Variants in IPO8 observed in about 807,000 individuals in gnomAD.
IPO8 encodes the protein importin 8.
IPO8 carries 65 observed loss-of-function variants against 141.2 expected under a neutral mutation model. That is an observed-to-expected ratio of 0.46 (90% CI 0.38 to 0.57). The LOEUF (loss-of-function observed/expected upper bound fraction) is 0.57. IPO8 is among the 20% of genes least tolerant of loss of function. IPO8 has a pLI of 0.00. For synonymous variants in IPO8, 411 were observed against 420.3 expected (o/e 0.98, Z 0.27); for missense variants, 980 against 1,246.8 (o/e 0.79, Z 3.22).
At chr12:30,663,888 AG>A (rs2052923720) in intron 13 of IPO8, among the ~76,000 whole-genome samples, 1 of 152,226 alleles carries the variant, frequency 6.6e-6, no homozygotes, top group Admixed American at 6.5e-5. Flanking sequence ...AAAGAGAAAA[AG>A]AAGCCAAATA....
At chr12:30,663,452 T>G in intron 14 of IPO8, 37 bp downstream of exon 14, 1 of 1,540,408 alleles carries the variant, frequency 6.5e-7, no homozygotes, top group Non-Finnish European at 8.9e-7. Flanking sequence ...TAAATGAAAT[T>G]ATTTGAGAAG....
intron 16 of IPO8, among the ~76,000 whole-genome samples, chr12:30,660,297 A>G (rs1459893661): frequency 6.6e-6 from 1 of 152,224 alleles, no homozygotes; most frequent in Non-Finnish European, 1.5e-5. Flanking sequence ...AATAATTGCC[A>G]TCAGTGCCAA....
intron 10 of IPO8, 31 bp from the exon 11 acceptor site, chr12:30,666,282 G>T: frequency 6.9e-7 from 1 of 1,443,812 alleles, no homozygotes; most frequent in Non-Finnish European, 9.5e-7. Flanking sequence ...AACCATGTTA[G>T]TGAAAATATA....
rs1229001688 is a variant in IPO8, at chr12:30,695,761, AC to A, written c.-115del. 10 of 803,726 alleles carry A rather than the reference AC, an allele frequency of 1.2e-5. No individual in the cohort carries two copies. Among genetic ancestry groups the A allele is most frequent in the African/African-American group, 7.4e-5 (3 of 40,358 alleles). The allele number at this position is 803,726 out of a possible 1,614,324, so 49.8% of individuals were successfully genotyped here. On this transcript the variant is annotated 5_prime_UTR_variant, in exon 1 of 25. An upstream open reading frame in the 5' UTR gains an earlier in-frame stop. Coordinates refer to ENST00000256079, the MANE Select transcript of IPO8 (RefSeq NM_006390.4). The surrounding 1 kb of genome is among the most constrained non-coding windows in gnomAD (Gnocchi z 4.2). Reference sequence around the variant, plus strand: ...CGACCCCTGGATTACCTCACACCCCACCCCCCGCCACCGTCGCCACCTGCGG... The same window carrying A: ...CGACCCCTGGATTACCTCACACCCCACCCCCGCCACCGTCGCCACCTGCGG...
At chr12:30,693,521 CCTAGA>C (rs1227669452) in intron 1 of IPO8, among the ~76,000 whole-genome samples, 1 of 152,166 alleles carries the variant, frequency 6.6e-6, no homozygotes, top group Admixed American at 6.5e-5. Context: ...TGAGGGGAGA[CCTAGA>C]CTAAAGTCGA....
At position 30,695,505 on chromosome 12, in the gene IPO8, GGCCAGCC is replaced by G; in HGVS notation, c.84+52_84+58del. 6.7e-7 allele frequency: 1 copy of G among 1,499,452 alleles called. No individual in the cohort carries two copies. The highest frequency in any genetic ancestry group is 1.7e-5 in the Admixed American group (1 of 59,206). 92.9% of individuals were successfully genotyped at this position (1,499,452 alleles called of 1,614,324 possible). A position where few individuals can be genotyped will look rare whatever the true frequency, so the allele number is the denominator to read the frequency against. ...GAGGGGCGCCGGGGAGAGGGAGCCC[GGCCAGCC>G]GGCAGGGGCGCCCCTTCGGCGGAAG... On this transcript the variant is annotated intron_variant, in intron 1 of 24. Transcript: ENST00000256079. The surrounding 1 kb of genome is among the most constrained non-coding windows in gnomAD (Gnocchi z 4.2).
At chr12:30,636,145 G>A (rs79990133) in intron 22 of IPO8, among the ~76,000 whole-genome samples, 3,280 of 152,150 alleles carry the variant, frequency 0.022, 101 homozygotes, top group African/African-American at 0.074. Flanking sequence ...GAGAAAAAGG[G>A]TAGTTTATAA....
At chr12:30,655,410 A>C (rs1478393662) in intron 17 of IPO8, among the ~76,000 whole-genome samples, 1 of 152,178 alleles carries the variant, frequency 6.6e-6, no homozygotes, top group Non-Finnish European at 1.5e-5. Context: ...TATTTTGTGG[A>C]ATGACTAAAT....
chr12:30,666,226 G>A lies in IPO8; in HGVS notation c.1170C>T (p.Pro390=). 1 of 1,591,530 alleles carries A rather than the reference G, an allele frequency of 6.3e-7. No individual in the cohort carries two copies. The highest frequency in any genetic ancestry group is 8.6e-7 in the Non-Finnish European group (1 of 1,167,396). The change falls in exon 11 of 25, where the codon CCC becomes CCT. Residue 390 remains proline (P), a synonymous_variant. Coordinates refer to ENST00000256079, the MANE Select transcript of IPO8 (RefSeq NM_006390.4). ...KFDIFEDYAS[P]TTAAQTLLYT... is the part of the protein sequence containing the mutation. ...ATAAGAGAGTCTGGGCTGCTGTGGT[G>A]GGAGAAGCATAATCTTCAAAAATAT...
At chr12:30,661,449 T>C (rs974968075) in intron 15 of IPO8, among the ~76,000 whole-genome samples, 183 bp from the exon 16 acceptor site, 3 of 152,174 alleles carry the variant, frequency 2.0e-5, no homozygotes, top group Non-Finnish European at 4.4e-5. Flanking sequence ...GTTTTAAATA[T>C]AGCTATTTAC....
At position 30,661,143 on chromosome 12, in the gene IPO8, CT is replaced by C; in HGVS notation, c.1878del (p.Glu627ArgfsTer6). ...DTILTVVEDH[K>X]EITQQLENIC... The stretch of plus-strand genomic sequence containing the variant: ...CATAAACCACAAAGAAATCTCACCT[CT>C]TTATGATCTTCTACAACTGTTAAGA... On this transcript the variant is annotated frameshift_variant, in exon 16 of 25. Transcript: ENST00000256079. LOFTEE classifies it high-confidence loss of function. 6.5e-7 allele frequency: 1 copy of C among 1,529,170 alleles called. No homozygotes were observed. 94.7% of individuals were successfully genotyped at this position (1,529,170 alleles called of 1,614,324 possible).
chr12:30,646,497 AG>A (rs2052648211), intron 20 of IPO8, among the ~76,000 whole-genome samples: 1 of 152,232 alleles, frequency 6.6e-6, no homozygotes, highest in Admixed American at 6.5e-5. Flanking sequence ...GCTTCTAGCC[AG>A]GGCAATTAGT....
intron 6 of IPO8, among the ~76,000 whole-genome samples, chr12:30,675,635 G>C (rs973742212): frequency 6.6e-6 from 1 of 151,218 alleles, no homozygotes; most frequent in Non-Finnish European, 1.5e-5. Context: ...AGACCATCCT[G>C]GCCAACACCG....
In IPO8 at chr12:30,663,562, A is replaced by C. The variant is rs1361742501; in HGVS notation, c.1521T>G (p.Ile507Met). Reference protein sequence around the residue: ...NAVELAKKSLIEDKEMPVKVE... With the variant: ...NAVELAKKSLMEDKEMPVKVE... ...CTTTGACAGGCATCTCTTTATCTTC[A>C]ATCAGGCTCTTCTTCGCTAATTCAA... Residue 507 changes from isoleucine to methionine, a missense_variant, in exon 14 of 25, where the codon ATT (isoleucine) becomes ATG (methionine). By Grantham distance (10) the Ile-to-Met change is conservative (BLOSUM62 1). This residue lies in a region of IPO8 where 924 missense variants were observed against 1,153.9 expected (regional missense o/e 0.80). Coordinates refer to ENST00000256079, the MANE Select transcript of IPO8 (RefSeq NM_006390.4). 1 of 1,613,728 alleles carries C rather than the reference A, an allele frequency of 6.2e-7. No homozygotes were observed. The highest frequency in any genetic ancestry group is 8.5e-7 in the Non-Finnish European group (1 of 1,179,898).
intron 3 of IPO8, among the ~76,000 whole-genome samples, chr12:30,683,148 G>T (rs929837721): frequency 6.6e-6 from 1 of 152,150 alleles, no homozygotes; most frequent in African/African-American, 2.4e-5. Flanking sequence ...AGAACCACTC[G>T]AAGATTAAGG....
intron 2 of IPO8, among the ~76,000 whole-genome samples, chr12:30,685,486 A>G (rs908106501): frequency 2.0e-5 from 3 of 147,244 alleles, no homozygotes; most frequent in African/African-American, 5.1e-5. Context: ...GAATGTAAGT[A>G]AATACTTATA....
At chr12:30,669,305 A>C (rs2053014840) in intron 9 of IPO8, 23 bp from the exon 10 acceptor site, 2 of 1,032,152 alleles carry the variant, frequency 1.9e-6, no homozygotes, top group Non-Finnish European at 2.8e-6. Flanking sequence ...AAAAAAAAAA[A>C]CGTAACAAAT....
chr12:30,684,297 A>G lies in IPO8; in HGVS notation c.323+4T>C. ...AGTAATCACAAATATATAGCACCAC[A>G]TACCTCACTAAATCTGGAGACCGAA... On this transcript the variant is annotated splice_donor_region_variant and intron_variant, in intron 3 of 24. Transcript: ENST00000256079. 2 of 1,613,382 alleles carry G rather than the reference A, an allele frequency of 1.2e-6. No homozygotes were observed. Among genetic ancestry groups the G allele is most frequent in the South Asian group, 2.2e-5 (2 of 91,028 alleles).
Position 30,663,554 on chromosome 12 carries a change from T to C in IPO8, c.1529A>G (p.Lys510Arg). ...AGCTTCAACTTTGACAGGCATCTCT[T>C]TATCTTCAATCAGGCTCTTCTTCGC... ...ELAKKSLIED[K>R]EMPVKVEAAL... Residue 510 changes from lysine to arginine, a missense_variant, in exon 14 of 25, where the codon AAA becomes AGA. Physicochemically the swap from Lys to Arg is conservative, Grantham distance 26. Around this residue, in one of 3 missense-constraint regions of IPO8, gnomAD observed 924 missense variants for 1,153.9 expected, o/e 0.80. Coordinates refer to ENST00000256079, the MANE Select transcript of IPO8 (RefSeq NM_006390.4). 1 of 1,613,914 alleles carries C rather than the reference T, an allele frequency of 6.2e-7. No individual in the cohort carries two copies. Among genetic ancestry groups the C allele is most frequent in the Non-Finnish European group, 8.5e-7 (1 of 1,179,938 alleles).
Sources: allele counts gnomAD v4.1 joint callset (sites outside exome capture counted in the v4.1 genomes callset), GRCh38; gene constraint gnomAD v4.1.1; regional missense constraint gnomAD v4.1.1; non-coding constraint Gnocchi (gnomAD v3.1); transcripts MANE v1.5; gene names NCBI Gene and HGNC (gene_info 2026-07-23, HGNC 2026-07-21).